Variants in KAT2B observed in about 807,000 individuals in gnomAD.
KAT2B encodes histone acetyltransferase KAT2B.
KAT2B carries 36 observed loss-of-function variants against 105.9 expected under a neutral mutation model. The ratio of observed to expected loss-of-function variants is 0.34; its 90% CI spans 0.26 to 0.45. The LOEUF (loss-of-function observed/expected upper bound fraction) is 0.45, where lower values mean the gene tolerates loss of function less well. Ranked by LOEUF, KAT2B falls within the 20% of genes least tolerant of loss-of-function variation. The pLI is 1.00. For missense variants in KAT2B, 820 were observed against 1,021.6 expected (o/e 0.80, Z 2.69); for synonymous variants, 397 against 377.9 (o/e 1.05, Z -0.59).
Position 20,111,685 on chromosome 3 carries a change from C to T in KAT2B, c.941C>T (p.Ser314Leu), listed in dbSNP as rs758526610. The T allele has an allele frequency of 9.3e-6, 15 of 1,613,930 alleles. No individual in the cohort carries two copies. Among genetic ancestry groups the T allele is most frequent in the East Asian group, 4.5e-5 (2 of 44,872 alleles). ...GTGTTTGGGAGAACATTGCTTCGCT[C>T]GGTCTTCACTGTTATGAGGCGACAA... is the stretch of plus-strand genomic sequence containing the variant. ...TQVFGRTLLR[S>L]VFTVMRRQLL... The change falls in exon 6 of 18, where the codon TCG (serine) becomes TTG (leucine). Residue 314 changes from serine to leucine, a missense_variant. Around this residue, in one of 6 missense-constraint regions of KAT2B, gnomAD observed 173 missense variants for 249.5 expected, o/e 0.69. Transcript: ENST00000263754.
chr3:20,049,002 C>T (rs1187355198), intron 1 of KAT2B, among the ~76,000 whole-genome samples: 1 of 147,576 alleles, frequency 6.8e-6, no homozygotes, highest in Non-Finnish European at 1.5e-5. Context: ...GTTGAGACTA[C>T]AGGCCCCCGC....
intron 1 of KAT2B, among the ~76,000 whole-genome samples, chr3:20,057,757 G>A (rs1021968502): frequency 3.3e-5 from 5 of 152,134 alleles, no homozygotes; most frequent in Admixed American, 6.6e-5. Flanking sequence ...GAGGTCACTC[G>A]GATGTAATGA....
At chr3:20,095,445 T>C (rs1296076976) in intron 3 of KAT2B, 37 bp downstream of exon 3, 2 of 1,423,290 alleles carry the variant, frequency 1.4e-6, no homozygotes. Context: ...TTTCTCTCAT[T>C]ATTCAAATGT....
In KAT2B at chr3:20,063,365, T is replaced by C. The variant is rs564417082; in HGVS notation, c.304-8968T>C. On this transcript the variant is annotated intron_variant, in intron 1 of 17. Transcript: ENST00000263754. Reference sequence around the variant, plus strand: ...GGCCGCCTGTGCTTTTGGTATTATATCCAAGACACCATTGCCTGATCTAGT... The same window carrying C: ...GGCCGCCTGTGCTTTTGGTATTATACCCAAGACACCATTGCCTGATCTAGT... 8.7e-4 allele frequency among the ~76,000 whole-genome samples: 132 copies of C among 151,370 alleles called. 1 individual carries two copies. Among genetic ancestry groups the C allele is most frequent in the African/African-American group, 3.2e-3 (131 of 41,296 alleles).
chr3:20,060,341 C>G (rs971341957), intron 1 of KAT2B, among the ~76,000 whole-genome samples: 8 of 152,078 alleles, frequency 5.3e-5, no homozygotes, highest in Non-Finnish European at 1.2e-4. Flanking sequence ...GTGGCTCACG[C>G]CTGTAGTCCC....
intron 1 of KAT2B, among the ~76,000 whole-genome samples, chr3:20,060,558 G>A (rs1698083152): frequency 6.6e-6 from 1 of 152,026 alleles, no homozygotes; most frequent in Admixed American, 6.6e-5. Flanking sequence ...CTGAGATCAC[G>A]CCATTGCACT....
In KAT2B at chr3:20,146,445, T is replaced by C; in HGVS notation, c.2119+15T>C. Reference sequence around the variant, plus strand: ...TCCTGGAATTAGTACGTATAGACCTTCTTTTAAAAGCGAAATTTTTTAGTA... The same window carrying C: ...TCCTGGAATTAGTACGTATAGACCTCCTTTTAAAAGCGAAATTTTTTAGTA... On this transcript the variant is annotated intron_variant, in intron 14 of 17. Transcript: ENST00000263754. 1 of 1,498,568 alleles carries C rather than the reference T, an allele frequency of 6.7e-7. No individual in the cohort carries two copies. The highest frequency in any genetic ancestry group is 9.2e-7 in the Non-Finnish European group (1 of 1,089,880). 92.8% of individuals were successfully genotyped at this position (1,498,568 alleles called of 1,614,324 possible). A position where few individuals can be genotyped will look rare whatever the true frequency, so the allele number is the denominator to read the frequency against.
Position 20,105,263 on chromosome 3 carries a change from G to A in KAT2B, c.851+3795G>A, listed in dbSNP as rs545320805. ...AGCAATTGTGGTTATAGAAAAAAAT[G>A]TGGGCAAATATTTTGAAGTTCCTGA... On this transcript the variant is annotated intron_variant, in intron 5 of 17. Coordinates refer to ENST00000263754, the MANE Select transcript of KAT2B (RefSeq NM_003884.5). 9.2e-5 allele frequency among the ~76,000 whole-genome samples: 14 copies of A among 152,292 alleles called. No homozygotes were observed. The South Asian group carries it at 2.7e-3, about 29-fold the overall frequency.
At chr3:20,054,427 C>T (rs1278589016) in intron 1 of KAT2B, among the ~76,000 whole-genome samples, 1 of 152,132 alleles carries the variant, frequency 6.6e-6, no homozygotes, top group Non-Finnish European at 1.5e-5. Context: ...GAGATGGATG[C>T]ATTTATTTTG....
rs769429837 is a variant in KAT2B, at chr3:20,140,285, G to C, written c.1925G>C (p.Gly642Ala). ...GTTGGCTATATCAAGGATTATGAAG[G>C]AGCCACTTTAATGGGATGTGAGCTA... ...KYVGYIKDYE[G>A]ATLMGCELNP... Residue 642 changes from glycine to alanine, a missense_variant, in exon 13 of 18, where the codon GGA (glycine) becomes GCA (alanine). Physicochemically the swap from Gly to Ala is moderately conservative, Grantham distance 60. Around this residue, in one of 6 missense-constraint regions of KAT2B, gnomAD observed 227 missense variants for 292.9 expected, o/e 0.77. Transcript: ENST00000263754. The C allele has an allele frequency of 2.5e-5, 40 of 1,611,462 alleles. No homozygotes were observed. The highest frequency in any genetic ancestry group is 3.4e-6 in the Non-Finnish European group (4 of 1,177,752).
chr3:20,040,862 T>C (rs9849842), intron 1 of KAT2B, 82 bp downstream of exon 1: 5 of 1,385,558 alleles, frequency 3.6e-6, no homozygotes, highest in African/African-American at 1.5e-5. Context: ...CGCTTCCACC[T>C]CCGCCTCCCG....
At chr3:20,136,916 T>C in intron 11 of KAT2B, 26 bp from the exon 12 acceptor site, 1 of 1,277,736 alleles carries the variant, frequency 7.8e-7, no homozygotes, top group Middle Eastern at 2.0e-4. Context: ...TCTAATGTAT[T>C]TGTTTGTATA....
chr3:20,119,449 A>G (rs1294699634), intron 7 of KAT2B, 149 bp from the exon 8 acceptor site: 18 of 680,674 alleles, frequency 2.6e-5, no homozygotes, highest in Non-Finnish European at 1.5e-5. Flanking sequence ...TGCTGTCTTT[A>G]CTATTTTGAT....
At chr3:20,105,369 A>G (rs995525807) in intron 5 of KAT2B, among the ~76,000 whole-genome samples, 4 of 152,246 alleles carry the variant, frequency 2.6e-5, no homozygotes, top group African/African-American at 9.6e-5. Context: ...TTCTTAAAAT[A>G]CAACTGTCCA....
chr3:20,109,937 A>G (rs1220868861), intron 5 of KAT2B, among the ~76,000 whole-genome samples: 1 of 152,138 alleles, frequency 6.6e-6, no homozygotes, highest in Admixed American at 6.6e-5. Context: ...AACACTAATG[A>G]AAGCTTTTTC....
rs10647897 is a variant in KAT2B, at chr3:20,070,322, T to TTC, written c.304-2010_304-2009insCT. On this transcript the variant is annotated intron_variant, in intron 1 of 17. Transcript: ENST00000263754. Reference sequence around the variant, plus strand: ...CTTTCTTTCTTTCTTTTTTTTTTTTTTGAGATGGAGTCTCGCTCTGTACCC... The same window carrying TTC: ...CTTTCTTTCTTTCTTTTTTTTTTTTTTCTGAGATGGAGTCTCGCTCTGTACCC... 4.6e-3 allele frequency among the ~76,000 whole-genome samples: 662 copies of TTC among 145,392 alleles called. 5 individuals carry two copies. Among genetic ancestry groups the TTC allele is most frequent in the African/African-American group, 0.013 (509 of 39,216 alleles).
At chr3:20,067,150 A>G (rs1254820620) in intron 1 of KAT2B, among the ~76,000 whole-genome samples, 1 of 152,182 alleles carries the variant, frequency 6.6e-6, no homozygotes, top group East Asian at 1.9e-4. Flanking sequence ...AGAAATAAAA[A>G]TATACTTTGT....
chr3:20,076,212 T>A (rs1254935208), intron 2 of KAT2B, among the ~76,000 whole-genome samples: 3 of 152,154 alleles, frequency 2.0e-5, no homozygotes, highest in Admixed American at 1.3e-4. Context: ...CAAGTATATT[T>A]CATACTATAC....
intron 11 of KAT2B, among the ~76,000 whole-genome samples, chr3:20,131,140 C>T (rs1192180509): frequency 1.3e-5 from 2 of 150,940 alleles, no homozygotes; most frequent in African/African-American, 2.4e-5. Context: ...CTCAGCCTCC[C>T]GAGTAGCTGG....
Sources: allele counts gnomAD v4.1 joint callset (sites outside exome capture counted in the v4.1 genomes callset), GRCh38; gene constraint gnomAD v4.1.1; regional missense constraint gnomAD v4.1.1; transcripts MANE v1.5; gene names NCBI Gene and HGNC (gene_info 2026-07-23, HGNC 2026-07-21).